The following LMO7 variants were observed in gnomAD, a reference collection of about 807,000 sequenced individuals.
LMO7 encodes LIM domain only protein 7.
Under a neutral mutation model 206.5 loss-of-function variants are expected in LMO7, and 120 were observed. That is an observed-to-expected ratio of 0.58 (90% confidence interval 0.50 to 0.68). The LOEUF (loss-of-function observed/expected upper bound fraction) is 0.68. Ranked by LOEUF, LMO7 falls within the 30% of genes least tolerant of loss-of-function variation. The pLI is 0.00. For missense variants in LMO7, 1,959 were observed against 1,957.9 expected (o/e 1.00, Z -0.01); for synonymous variants, 706 against 681.5 (o/e 1.04, Z -0.56).
In LMO7 at chr13:75,674,269, T is replaced by C. The variant is rs116853656; in HGVS notation, c.69+37543T>C. ...GAACAATATTGTGGATCAGTGTTTCTAGCTTCCAAAAGTATATTGACTGAC... is the reference window on the plus strand; with the variant it reads ...GAACAATATTGTGGATCAGTGTTTCCAGCTTCCAAAAGTATATTGACTGAC... On this transcript the variant is annotated intron_variant, in intron 1 of 30. Transcript: ENST00000377534. 6.3e-3 allele frequency among the ~76,000 whole-genome samples: 957 copies of C among 152,372 alleles called. 8 individuals carry two copies. Among genetic ancestry groups the C allele is most frequent in the Non-Finnish European group, 8.8e-3 (597 of 68,028 alleles).
chr13:75,718,033 G>T (rs548759194), intron 2 of LMO7, among the ~76,000 whole-genome samples: 1 of 152,336 alleles, frequency 6.6e-6, no homozygotes, highest in East Asian at 1.9e-4. Flanking sequence ...AAACAATGGT[G>T]TAAGGGTTCA....
intron 1 of LMO7, among the ~76,000 whole-genome samples, chr13:75,660,832 G>A (rs1207655969): frequency 6.6e-6 from 1 of 152,072 alleles, no homozygotes; most frequent in Non-Finnish European, 1.5e-5. Context: ...TTGTTTCTGA[G>A]CCCCTTCCTG....
At chr13:75,724,369 A>G (rs2044279694) in intron 2 of LMO7, among the ~76,000 whole-genome samples, 1 of 152,130 alleles carries the variant, frequency 6.6e-6, no homozygotes, top group Non-Finnish European at 1.5e-5. Context: ...ACCTAGGGCT[A>G]GAGGGATGGA....
chr13:75,840,534 G>C, intron 22 of LMO7, 39 bp downstream of exon 22: 2 of 1,601,672 alleles, frequency 1.2e-6, no homozygotes, highest in Non-Finnish European at 8.5e-7. Flanking sequence ...AACTAGGTTG[G>C]ATTTCACGGC....
chr13:75,653,119 T>C (rs910316231), intron 1 of LMO7, among the ~76,000 whole-genome samples: 40 of 152,288 alleles, frequency 2.6e-4, no homozygotes, highest in African/African-American at 9.1e-4. Context: ...CAGTATGTAA[T>C]AGATATTCAG....
At chr13:75,696,356 A>G (rs1433483903) in intron 1 of LMO7, among the ~76,000 whole-genome samples, 6 of 124,702 alleles carry the variant, frequency 4.8e-5, no homozygotes, top group Non-Finnish European at 9.6e-5. Context: ...CTCCATCTCA[A>G]AAAAACAAAC....
In LMO7 at chr13:75,853,353, T is replaced by C. The variant is rs1190582291; in HGVS notation, c.4626T>C (p.Pro1542=). ...TQSPTPRSHS[P]SASQSGSQLR... ...CCCCCACCCCGAGAAGCCATTCCCC[T>C]TCAGCTTCACAGTCAGGCTCTCAGC... The change falls in exon 28 of 31, where the codon CCT becomes CCC. Residue 1542 remains proline, a synonymous_variant. Transcript: ENST00000377534. 1.2e-6 allele frequency: 2 copies of C among 1,611,858 alleles called. No individual in the cohort carries two copies. The highest frequency in any genetic ancestry group is 4.5e-5 in the East Asian group (2 of 44,834).
In LMO7 at chr13:75,655,637, TTATATATATATATATATA is replaced by T. The variant is rs67966172; in HGVS notation, c.69+18947_69+18964del. Among the ~76,000 whole-genome samples the T allele has an allele frequency of 3.6e-3, 488 of 134,732 alleles. 3 individuals carry two copies. Among genetic ancestry groups the T allele is most frequent in the African/African-American group, 0.011 (393 of 34,316 alleles). The allele number at this position is 134,732 out of a possible 152,430, so 88.4% of individuals were successfully genotyped here. On this transcript the variant is annotated intron_variant, in intron 1 of 30. Coordinates refer to ENST00000377534, the MANE Select transcript of LMO7 (RefSeq NM_001306080.2). ...TGCTGAATATTTTTGTTCATGGATTTTATATATATATATATATATATATATATATATATATATATATAT... is the reference window on the plus strand; with the variant it reads ...TGCTGAATATTTTTGTTCATGGATTTTATATATATATATATATATATATAT...
chr13:75,799,606 T>A (rs897497959), intron 6 of LMO7, among the ~76,000 whole-genome samples: 2 of 152,218 alleles, frequency 1.3e-5, no homozygotes, highest in African/African-American at 2.4e-5. Context: ...TTCACAGCAC[T>A]TTTTATTTTG....
intron 14 of LMO7, among the ~76,000 whole-genome samples, chr13:75,822,228 T>C (rs181208389): frequency 1.9e-4 from 29 of 152,260 alleles, no homozygotes; most frequent in African/African-American, 5.3e-4. Flanking sequence ...AGTCCTAAGA[T>C]TAATGTTCAA....
In LMO7 at chr13:75,823,810, T is replaced by C; in HGVS notation, c.2886T>C (p.Leu962=). 6.2e-7 allele frequency: 1 copy of C among 1,614,156 alleles called. No individual in the cohort carries two copies. Among genetic ancestry groups the C allele is most frequent in the South Asian group, 1.1e-5 (1 of 91,086 alleles). ...SKATLSSTSG[L]DLMSESGEGE... ...CCACATTGTCTTCCACATCTGGTCT[T>C]GATTTAATGTCTGAATCTGGAGAAG... is the stretch of plus-strand genomic sequence containing the variant. Residue 962 remains leucine (L), a synonymous_variant, in exon 15 of 31, where the codon CTT becomes CTC. Transcript: ENST00000377534.
intron 3 of LMO7, among the ~76,000 whole-genome samples, chr13:75,753,226 A>G (rs1291214852): frequency 6.6e-6 from 1 of 152,158 alleles, no homozygotes; most frequent in African/African-American, 2.4e-5. Context: ...TCTTCCATTG[A>G]AAAAGGTTTA....
chr13:75,650,945 G>C (rs2037496424), intron 1 of LMO7, among the ~76,000 whole-genome samples: 1 of 152,154 alleles, frequency 6.6e-6, no homozygotes, highest in Non-Finnish European at 1.5e-5. Flanking sequence ...TGAGCCCAAT[G>C]AGCTATTTTA....
intron 3 of LMO7, among the ~76,000 whole-genome samples, chr13:75,757,576 C>T (rs1189709381): frequency 1.3e-5 from 2 of 152,102 alleles, no homozygotes; most frequent in Non-Finnish European, 2.9e-5. Context: ...CTCCACCCCA[C>T]ACCTGTTATG....
intron 2 of LMO7, among the ~76,000 whole-genome samples, chr13:75,725,471 A>T (rs1285227448): frequency 6.6e-6 from 1 of 152,162 alleles, no homozygotes; most frequent in Non-Finnish European, 1.5e-5. Context: ...GTAATGCTAC[A>T]GTTACTAGTT....
At chr13:75,751,202 C>T (rs1419515664) in intron 3 of LMO7, among the ~76,000 whole-genome samples, 1 of 124,132 alleles carries the variant, frequency 8.1e-6, no homozygotes, top group Admixed American at 1.0e-4. Context: ...GCTCTGTCGC[C>T]CAGGCTGGAG....
chr13:75,717,525 C>T (rs1275517515), intron 2 of LMO7, among the ~76,000 whole-genome samples: 3 of 151,548 alleles, frequency 2.0e-5, no homozygotes, highest in Admixed American at 1.3e-4. Context: ...ACAGTATCTG[C>T]CTAAAAATAC....
At chr13:75,800,010 A>G (rs895977322) in intron 6 of LMO7, among the ~76,000 whole-genome samples, 5 of 152,348 alleles carry the variant, frequency 3.3e-5, no homozygotes, top group Non-Finnish European at 1.5e-5. Context: ...GGTCCATAGA[A>G]AATAAGTTAT....
intron 1 of LMO7, among the ~76,000 whole-genome samples, chr13:75,678,348 A>G (rs979618545): frequency 7.9e-5 from 12 of 152,298 alleles, no homozygotes; most frequent in South Asian, 2.1e-4. Context: ...CTGGTGTGAG[A>G]CGGTATCTCA....
Sources: allele counts gnomAD v4.1 joint callset (sites outside exome capture counted in the v4.1 genomes callset), GRCh38; gene constraint gnomAD v4.1.1; transcripts MANE v1.5; gene names NCBI Gene and HGNC (gene_info 2026-07-23, HGNC 2026-07-21).